ERC2: variants seen among roughly 807,000 people sequenced by gnomAD.
The protein encoded by ERC2 is ELKS/RAB6-interacting/CAST family member 2.
In ERC2, 42 loss-of-function variants were observed where a neutral mutation model predicts 114.8. The ratio of observed to expected loss-of-function variants is 0.37; its 90% CI spans 0.29 to 0.47. ERC2 has a LOEUF of 0.47. Ranked by LOEUF, ERC2 falls within the 20% of genes least tolerant of loss-of-function variation. The pLI is 0.99. For synonymous variants in ERC2, 454 were observed against 425.5 expected, an observed-to-expected ratio of 1.07 and a Z score of -0.82; for missense variants, 939 against 1,150.7, an observed-to-expected ratio of 0.82 and a Z score of 2.66.
chr3:55,767,563 T>C (rs1478431306), intron 14 of ERC2, among the ~76,000 whole-genome samples: 2 of 152,130 alleles, frequency 1.3e-5, no homozygotes, highest in South Asian at 2.1e-4. Flanking sequence ...GGCAAGGTGG[T>C]CCTTCATGCG....
At chr3:56,180,404 T>C (rs2083225958) in intron 3 of ERC2, among the ~76,000 whole-genome samples, 1 of 152,054 alleles carries the variant, frequency 6.6e-6, no homozygotes, top group South Asian at 2.1e-4. Flanking sequence ...AACAAAAAGG[T>C]AGAAGCAACC....
intron 2 of ERC2, among the ~76,000 whole-genome samples, chr3:56,382,244 A>G (rs2059780281): frequency 6.6e-6 from 1 of 150,776 alleles, no homozygotes; most frequent in African/African-American, 2.4e-5. Flanking sequence ...ATCCCATCCC[A>G]CCCCCCTGCT....
At chr3:55,547,971 GGCC>G (rs1350970207) in intron 17 of ERC2, among the ~76,000 whole-genome samples, 2 of 152,136 alleles carry the variant, frequency 1.3e-5, no homozygotes, top group African/African-American at 2.4e-5. Context: ...CATGAGACAG[GGCC>G]AGGGGGCCTT....
At chr3:56,387,250 T>C (rs1324904939) in intron 2 of ERC2, among the ~76,000 whole-genome samples, 1 of 152,142 alleles carries the variant, frequency 6.6e-6, no homozygotes, top group Non-Finnish European at 1.5e-5. Context: ...ACTATGAAAG[T>C]GTTTAACCAA....
intron 5 of ERC2, among the ~76,000 whole-genome samples, chr3:56,147,267 G>C (rs192631391): frequency 2.0e-5 from 3 of 152,312 alleles, no homozygotes; most frequent in Admixed American, 2.0e-4. Flanking sequence ...CTGCAAGAAA[G>C]AAACCAGAGG....
At chr3:55,969,681 G>A (rs2069013902) in intron 12 of ERC2, among the ~76,000 whole-genome samples, 1 of 152,184 alleles carries the variant, frequency 6.6e-6, no homozygotes, top group Admixed American at 6.6e-5. Context: ...ATGATCAGGT[G>A]AATTGCTTCT....
chr3:56,184,404 C>T (rs2083466815), intron 3 of ERC2, among the ~76,000 whole-genome samples: 2 of 152,182 alleles, frequency 1.3e-5, no homozygotes, highest in Admixed American at 6.5e-5. Context: ...GAATATATTT[C>T]CTGGAATATA....
At chr3:55,957,291 G>T (rs2068028635) in intron 12 of ERC2, among the ~76,000 whole-genome samples, 1 of 152,154 alleles carries the variant, frequency 6.6e-6, no homozygotes, top group Non-Finnish European at 1.5e-5. Context: ...GCAGTAAGAT[G>T]TCCAAGATCA....
At chr3:56,431,554 T>G (rs1193306521) in intron 2 of ERC2, among the ~76,000 whole-genome samples, 1 of 152,156 alleles carries the variant, frequency 6.6e-6, no homozygotes, top group Non-Finnish European at 1.5e-5. Flanking sequence ...ATCTCAAATA[T>G]GTTAATCCAC....
intron 7 of ERC2, among the ~76,000 whole-genome samples, chr3:56,050,050 G>A (rs913185905): frequency 6.6e-6 from 1 of 152,162 alleles, no homozygotes; most frequent in African/African-American, 2.4e-5. Context: ...TGGTTGCCAG[G>A]GCACTGAGGC....
intron 17 of ERC2, among the ~76,000 whole-genome samples, chr3:55,556,409 C>T (rs2055610719): frequency 6.6e-6 from 1 of 152,176 alleles, no homozygotes; most frequent in Admixed American, 6.5e-5. Flanking sequence ...ACCTTACTTC[C>T]AGGAAGACAG....
intron 3 of ERC2, among the ~76,000 whole-genome samples, chr3:56,184,192 C>T (rs1160783918): frequency 3.3e-5 from 5 of 151,982 alleles, no homozygotes; most frequent in Non-Finnish European, 7.4e-5. Context: ...TCCTGGAAAC[C>T]ACAGAAATTA....
intron 17 of ERC2, among the ~76,000 whole-genome samples, chr3:55,522,928 C>T (rs1024017898): frequency 3.3e-5 from 5 of 152,212 alleles, no homozygotes; most frequent in African/African-American, 1.2e-4. Context: ...TGTCCCTGGT[C>T]ACTTTGAAGA....
intron 9 of ERC2, among the ~76,000 whole-genome samples, chr3:56,010,074 C>T (rs927643737): frequency 2.0e-5 from 3 of 152,092 alleles, no homozygotes; most frequent in African/African-American, 7.2e-5. Flanking sequence ...TAGTACATAG[C>T]AGACACCCAA....
intron 3 of ERC2, among the ~76,000 whole-genome samples, chr3:56,273,364 C>T (rs531767857): frequency 1.7e-4 from 26 of 151,152 alleles, no homozygotes; most frequent in African/African-American, 6.3e-4. Flanking sequence ...AGCAATCCAC[C>T]CATCACATCT....
At chr3:56,298,011 T>C (rs144355921) in intron 2 of ERC2, among the ~76,000 whole-genome samples, 1 of 152,332 alleles carries the variant, frequency 6.6e-6, no homozygotes, top group African/African-American at 2.4e-5. Flanking sequence ...TCTCAGGGTA[T>C]TGAATGCAGA....
chr3:55,816,756 A>G (rs1483768526), intron 14 of ERC2, among the ~76,000 whole-genome samples: 2 of 151,094 alleles, frequency 1.3e-5, no homozygotes, highest in Non-Finnish European at 2.9e-5. Flanking sequence ...TTATCTGGGG[A>G]AAACAAAAAC....
chr3:56,222,081 C>T (rs1263687760), intron 3 of ERC2, among the ~76,000 whole-genome samples: 2 of 152,058 alleles, frequency 1.3e-5, no homozygotes, highest in Non-Finnish European at 2.9e-5. Context: ...CAGGTACTGT[C>T]AAGAGTATAT....
At chr3:56,041,267 G>C (rs537174852) in intron 7 of ERC2, among the ~76,000 whole-genome samples, 3 of 152,064 alleles carry the variant, frequency 2.0e-5, no homozygotes, top group African/African-American at 7.2e-5. Context: ...TTTTGGTTTA[G>C]CATAGTAGTT....
Sources: allele counts gnomAD v4.1 joint callset (sites outside exome capture counted in the v4.1 genomes callset), GRCh38; gene constraint gnomAD v4.1.1; transcripts MANE v1.5; gene names NCBI Gene and HGNC (gene_info 2026-07-23, HGNC 2026-07-21).